Variants in NHSL1 observed in about 807,000 individuals in gnomAD.
The protein encoded by NHSL1 is NHS-like protein 1.
NHSL1 carries 48 observed loss-of-function variants against 95.0 expected under a neutral mutation model. The observed-to-expected ratio is 0.51, with a 90% CI of 0.40 to 0.64. The LOEUF is 0.64. Ranked by LOEUF, NHSL1 falls within the 30% of genes least tolerant of loss-of-function variation. The pLI, the probability that NHSL1 is intolerant of heterozygous loss-of-function variation, is 0.00. For missense variants in NHSL1, 1,971 were observed against 2,077.7 expected (o/e 0.95, Z 1.00); for synonymous variants, 783 against 833.9 (o/e 0.94, Z 1.05).
chr6:138,431,245 T>C lies in NHSL1; in HGVS notation c.3100A>G (p.Thr1034Ala). 1 of 1,514,216 alleles carries C rather than the reference T, an allele frequency of 6.6e-7. No individual in the cohort carries two copies. Among genetic ancestry groups the C allele is most frequent in the East Asian group, 2.5e-5 (1 of 40,512 alleles). The allele number at this position is 1,514,216 out of a possible 1,614,324, so 93.8% of individuals were successfully genotyped here. A position where few individuals can be genotyped will look rare whatever the true frequency, so the allele number is the denominator to read the frequency against. Residue 1034 changes from threonine (T) to alanine (A), a missense_variant, in exon 6 of 8, where the codon ACC becomes GCC. Physicochemically the swap from Thr to Ala is moderately conservative, Grantham distance 58. Around this residue, in one of 3 missense-constraint regions of NHSL1, gnomAD observed 1,602 missense variants for 1,654.5 expected, o/e 0.97. Coordinates refer to ENST00000343505, the MANE Select transcript of NHSL1 (RefSeq NM_001144060.2). The surrounding 1 kb of genome is among the most constrained non-coding windows in gnomAD (Gnocchi z 4.0). ...CCAGAATTTGTGAAAGGCGGCCTGG[T>C]GTCTTTCATGAATTTGGGGTCAAGA... ...PPLDPKFMKD[T>A]RPPFTNSGQP...
chr6:138,460,958 C>T (rs1777959693), intron 3 of NHSL1, among the ~76,000 whole-genome samples: 1 of 151,938 alleles, frequency 6.6e-6, no homozygotes, highest in African/African-American at 2.4e-5. Context: ...TATGGACATA[C>T]TCCCTGACCT....
chr6:138,657,639 C>T (rs2114724197), intron 1 of NHSL1, among the ~76,000 whole-genome samples: 1 of 151,518 alleles, frequency 6.6e-6, no homozygotes, highest in African/African-American at 2.4e-5. Flanking sequence ...CGGTGAAACC[C>T]CGTCTCTACT....
chr6:138,498,281 G>A (rs1164361005), intron 1 of NHSL1, among the ~76,000 whole-genome samples: 9 of 152,208 alleles, frequency 5.9e-5, no homozygotes, highest in East Asian at 1.9e-4. Context: ...AATGGCATTC[G>A]TGTCTGCACC....
chr6:138,643,930 G>A lies in NHSL1; in HGVS notation c.96+48546C>T, dbSNP rs373382703. Among the ~76,000 whole-genome samples, 8 of 151,560 alleles carry A rather than the reference G, an allele frequency of 5.3e-5. No individual in the cohort carries two copies. The South Asian group carries it at 1.3e-3, about 24-fold the overall frequency. On this transcript the variant is annotated intron_variant, in intron 1 of 3. Transcript: ENST00000491526. ...GGAGAATTGCTTGAACCCAGGAGGC[G>A]GAGGCTGCTGTGAGCCCAGACTGTG...
intron 7 of NHSL1, among the ~76,000 whole-genome samples, chr6:138,425,843 A>G (rs796670720): frequency 2.0e-5 from 3 of 151,952 alleles, no homozygotes; most frequent in Non-Finnish European, 4.4e-5. Flanking sequence ...CCAGCCTTCC[A>G]GAAAACAAAG....
At position 138,610,542 on chromosome 6, in the gene NHSL1, TA is replaced by T. The variant is rs1275593505; in HGVS notation, c.96+81933del. Among the ~76,000 whole-genome samples, 287 of 106,072 alleles carry T rather than the reference TA, an allele frequency of 2.7e-3. 2 individuals carry two copies. The highest frequency in any genetic ancestry group is 0.015 in the African/African-American group (272 of 17,784). 69.6% of individuals were successfully genotyped at this position (106,072 alleles called of 152,430 possible). ...TACCCTAGAACTAAAAGTATAATAA[TA>T]AAAAAATATATATATATTATATATA... On this transcript the variant is annotated intron_variant, in intron 1 of 3. Coordinates refer to the NHSL1 transcript ENST00000491526.
At chr6:138,675,617 C>G (rs1009066357) in intron 1 of NHSL1, among the ~76,000 whole-genome samples, 1 of 152,108 alleles carries the variant, frequency 6.6e-6, no homozygotes, top group Non-Finnish European at 1.5e-5. Flanking sequence ...TCACTGGAAC[C>G]TCCGTCTCCT....
intron 1 of NHSL1, among the ~76,000 whole-genome samples, chr6:138,637,472 G>A (rs915576894): frequency 6.6e-6 from 1 of 152,160 alleles, no homozygotes; most frequent in East Asian, 1.9e-4. Flanking sequence ...CACAGAATGG[G>A]AGAAAATATT....
At chr6:138,435,496 T>A (rs745789504) in intron 5 of NHSL1, among the ~76,000 whole-genome samples, 11 of 152,134 alleles carry the variant, frequency 7.2e-5, no homozygotes, top group Non-Finnish European at 1.5e-4. Context: ...ATAACTTTCT[T>A]ATTAAAACAA....
intron 1 of NHSL1, among the ~76,000 whole-genome samples, chr6:138,656,576 G>A (rs1227380484): frequency 1.3e-5 from 2 of 152,132 alleles, no homozygotes; most frequent in African/African-American, 2.4e-5. Context: ...AGATTCAAGC[G>A]ATAATACATC....
At chr6:138,517,233 C>T (rs560291902) in intron 1 of NHSL1, among the ~76,000 whole-genome samples, 3 of 152,296 alleles carry the variant, frequency 2.0e-5, no homozygotes, top group Admixed American at 6.5e-5. Flanking sequence ...TCTGTTCTCA[C>T]CAGACTCTCT....
At chr6:138,505,993 G>A (rs554498026) in intron 1 of NHSL1, among the ~76,000 whole-genome samples, 2 of 152,170 alleles carry the variant, frequency 1.3e-5, no homozygotes, top group East Asian at 1.9e-4. Flanking sequence ...CTTCAAATAC[G>A]ATTTTTAAAT....
chr6:138,635,622 C>G (rs1784877191), intron 1 of NHSL1, among the ~76,000 whole-genome samples: 1 of 152,114 alleles, frequency 6.6e-6, no homozygotes, highest in African/African-American at 2.4e-5. Flanking sequence ...TAATACCAAT[C>G]CTACTCAAAC....
At chr6:138,442,445 G>A (rs1334855452) in intron 4 of NHSL1, among the ~76,000 whole-genome samples, 2 of 152,088 alleles carry the variant, frequency 1.3e-5, no homozygotes, top group African/African-American at 4.8e-5. Flanking sequence ...ATATCCTCTG[G>A]TCACCAAAAC....
intron 1 of NHSL1, among the ~76,000 whole-genome samples, chr6:138,520,163 A>G (rs1459545454): frequency 1.3e-5 from 2 of 152,056 alleles, no homozygotes; most frequent in African/African-American, 2.4e-5. Context: ...ATAAATCTAC[A>G]CAGTCTTGGC....
chr6:138,609,991 T>C (rs920173653), intron 1 of NHSL1, among the ~76,000 whole-genome samples: 6 of 152,058 alleles, frequency 3.9e-5, no homozygotes, highest in African/African-American at 1.2e-4. Flanking sequence ...GCATGATGCA[T>C]CTTAGGCCCC....
intron 1 of NHSL1, chr6:138,512,537 A>G (rs1781279503): frequency 5.9e-6 from 1 of 170,676 alleles, no homozygotes; most frequent in African/African-American, 2.5e-5. Flanking sequence ...ACATCCCCCG[A>G]CACCAAAAAA....
chr6:138,461,248 A>G (rs72973281), intron 3 of NHSL1, among the ~76,000 whole-genome samples: 20,635 of 152,174 alleles, frequency 0.14, 1,429 homozygotes, highest in Middle Eastern at 0.17. Flanking sequence ...CAGTAAGCAG[A>G]TAACTGCATG....
chr6:138,666,545 T>C (rs545965703), intron 1 of NHSL1, among the ~76,000 whole-genome samples: 30 of 141,044 alleles, frequency 2.1e-4, no homozygotes, highest in Admixed American at 7.8e-4. Context: ...TGAGCTGAGA[T>C]TGCACCACTG....
Sources: gnomAD v4.1 joint callset for allele counts (sites outside exome capture counted in the v4.1 genomes callset) on GRCh38, gnomAD v4.1.1 for gene constraint, gnomAD v4.1.1 regional missense constraint, Gnocchi (gnomAD v3.1) non-coding constraint, MANE v1.5 for transcripts, NCBI Gene and HGNC (gene_info 2026-07-23, HGNC 2026-07-21) for gene names.